The following CDKN2A variants were observed in gnomAD, a reference collection of about 807,000 sequenced individuals.
CDKN2A encodes cyclin-dependent kinase inhibitor 2A.
In CDKN2A, 3 loss-of-function variants were observed where a neutral mutation model predicts 11.1. The observed-to-expected ratio is 0.27, with a 90% CI of 0.12 to 0.70. The LOEUF is 0.70. Among genes scored for constraint, CDKN2A ranks in the 30% least tolerant of loss-of-function variants. CDKN2A has a pLI of 0.77. For missense variants in CDKN2A, 265 were observed against 233.6 expected (o/e 1.13, Z -0.88); for synonymous variants, 122 against 108.1 (o/e 1.13, Z -0.80).
At position 21,969,625 on chromosome 9, in the gene CDKN2A, C is replaced by T. The variant is rs80235406; in HGVS notation, c.457+1277G>A. ...GTTCAGTTTATTCATTTGCTTGTGG[C>T]CCAATTCAGTAGTTTTACTCCCTCT... On this transcript the variant is annotated intron_variant, in intron 2 of 2. Transcript: ENST00000304494. 1.6e-3 allele frequency: 627 copies of T among 389,938 alleles called. 8 individuals are homozygous for T. In the East Asian group the frequency reaches 0.02, roughly 12 times the overall value. The allele number at this position is 389,938 out of a possible 1,614,324, so 24.2% of individuals were successfully genotyped here. A position where few individuals can be genotyped will look rare whatever the true frequency, so the allele number is the denominator to read the frequency against.
Position 21,970,915 on chromosome 9 carries a change from C to T in CDKN2A, c.444G>A (p.Ala148=), listed in dbSNP as rs768280139. 3.1e-6 allele frequency: 5 copies of T among 1,612,202 alleles called. No individual in the cohort carries two copies. The highest frequency in any genetic ancestry group is 2.2e-5 in the South Asian group (2 of 91,064). ...ATCAGTCCTCACCTGAGGGACCTTC[C>T]GCGGCATCTATGCGGGCATGGTTAC... The part of the protein sequence containing the change: ...RGSNHARIDA[A]EGPSDIPD Residue 148 remains alanine (A), a synonymous_variant, in exon 2 of 3, where the codon GCG becomes GCA. Coordinates refer to ENST00000304494, the MANE Select transcript of CDKN2A (RefSeq NM_000077.5).
intron 2 of CDKN2A, chr9:21,969,941 C>T: frequency 2.5e-6 from 1 of 396,718 alleles, no homozygotes; most frequent in Non-Finnish European, 4.4e-6. Flanking sequence ...TCCTCCCCAG[C>T]TCCCCTATGG....
intron 2 of CDKN2A, chr9:21,992,269 A>G (rs564057293): frequency 9.2e-5 from 86 of 931,624 alleles, no homozygotes; most frequent in Non-Finnish European, 1.1e-4. Flanking sequence ...TCCCAAATCA[A>G]TATAGCCATG....
rs2131092435 is a variant in CDKN2A, at chr9:21,970,960, A to G, written c.399T>C (p.Ala133=). 1.2e-6 allele frequency: 2 copies of G among 1,611,792 alleles called. No homozygotes were observed. Among genetic ancestry groups the G allele is most frequent in the Non-Finnish European group, 1.7e-6 (2 of 1,180,012 alleles). The part of the protein sequence containing the change: ...HRDVARYLRA[A]AGGTRGSNHA... ...GGTTACTGCCTCTGGTGCCCCCCGC[A>G]GCCGCGCGCAGGTACCGTGCGACAT... The change falls in exon 2 of 3, where the codon GCT becomes GCC. Residue 133 remains alanine, a synonymous_variant. Coordinates refer to ENST00000304494, the MANE Select transcript of CDKN2A (RefSeq NM_000077.5).
At chr9:21,974,923 T>A, upstream of CDKN2A, 2 of 1,430,186 alleles carry the variant, frequency 1.4e-6, no homozygotes, top group Non-Finnish European at 1.8e-6. This position sits in a 1 kb window ranked among gnomAD's most constrained non-coding sequence, Gnocchi z 5.2. Flanking sequence ...CAGCCCCTCC[T>A]CTTTCTTCCT....
chr9:21,984,619 T>A (rs1379740223), intron 2 of CDKN2A, among the ~76,000 whole-genome samples: 5 of 152,030 alleles, frequency 3.3e-5, no homozygotes, highest in Admixed American at 3.3e-4. Flanking sequence ...TCTGAGATAA[T>A]GTTGAAAGTC....
upstream of CDKN2A, among the ~76,000 whole-genome samples, chr9:21,979,595 G>T (rs1298769176): frequency 2.6e-5 from 4 of 152,192 alleles, no homozygotes; most frequent in Non-Finnish European, 5.9e-5. Flanking sequence ...AGGGAGAAAA[G>T]GTCAGAACGG....
Position 21,968,257 on chromosome 9 carries a change from A to C in CDKN2A, c.458-15T>G, listed in dbSNP as rs772321849. The stretch of plus-strand genomic sequence containing the variant: ...ATCGGGGATGTCTGCAGAGGGCAGA[A>C]AGAAAACAGGCGTTAGAAACCTGAG... On this transcript the variant is annotated splice_polypyrimidine_tract_variant and intron_variant, in intron 2 of 2. Transcript: ENST00000304494. The surrounding 1 kb of genome is among the most constrained non-coding windows in gnomAD (Gnocchi z 4.7). 1 of 1,613,984 alleles carries C rather than the reference A, an allele frequency of 6.2e-7. No homozygotes were observed.
chr9:21,994,738 T>A, intron 1 of CDKN2A: 2 of 153,142 alleles, frequency 1.3e-5, no homozygotes, highest in Non-Finnish European at 2.4e-5. Flanking sequence ...CGCCCCGCGG[T>A]GACGGCCCAG....
rs1322001848 is a variant in CDKN2A at position 21,968,766 on chromosome 9, TC to T, written c.458-525del. The stretch of plus-strand genomic sequence containing the variant: ...CTACAAACCCACAAATGGTTTCCGA[TC>T]ATTTCTGAAACAAAATGGATGCTCA... On this transcript the variant is annotated intron_variant, in intron 2 of 2. Coordinates refer to ENST00000304494, the MANE Select transcript of CDKN2A (RefSeq NM_000077.5). The surrounding 1 kb of genome is among the most constrained non-coding windows in gnomAD (Gnocchi z 4.7). 6 of 1,535,994 alleles carry T rather than the reference TC, an allele frequency of 3.9e-6. No homozygotes were observed. The African/African-American group carries it at 8.2e-5, about 21-fold the overall frequency.
chr9:21,984,764 C>G (rs1169472241), intron 2 of CDKN2A, among the ~76,000 whole-genome samples: 7 of 151,952 alleles, frequency 4.6e-5, no homozygotes, highest in Non-Finnish European at 1.0e-4. Flanking sequence ...CTTTTCTCAT[C>G]AAATGGAGAA....
upstream of CDKN2A, chr9:21,974,883 C>T (rs1319347237): frequency 6.8e-7 from 1 of 1,467,670 alleles, no homozygotes; most frequent in Non-Finnish European, 8.9e-7. The surrounding 1 kb of genome is among the most constrained non-coding windows in gnomAD (Gnocchi z 5.2). Flanking sequence ...GCCGAGCGCA[C>T]GCGGTCCGCC....
At chr9:21,990,376 TAAAC>T (rs1350030722) in intron 2 of CDKN2A, among the ~76,000 whole-genome samples, 2 of 152,264 alleles carry the variant, frequency 1.3e-5, no homozygotes, top group Admixed American at 6.5e-5. Flanking sequence ...GTATGACACT[TAAAC>T]AACTCAGTTT....
chr9:21,976,822 C>CTAA (rs1343360335), upstream of CDKN2A, among the ~76,000 whole-genome samples: 2 of 152,210 alleles, frequency 1.3e-5, no homozygotes, highest in African/African-American at 4.8e-5. Flanking sequence ...AAAAGTTAAA[C>CTAA]AGCACTAAAG....
At chr9:21,982,022 A>G (rs1229027628) in intron 2 of CDKN2A, among the ~76,000 whole-genome samples, 1 of 152,166 alleles carries the variant, frequency 6.6e-6, no homozygotes, top group Non-Finnish European at 1.5e-5. Flanking sequence ...TCTCTATTTA[A>G]TTAAATTCAA....
At chr9:21,975,059 C>T (rs1819982665), upstream of CDKN2A, 4 of 1,339,356 alleles carry the variant, frequency 3.0e-6, no homozygotes, top group Admixed American at 3.8e-5. Flanking sequence ...ACTCCGAGCA[C>T]TTAGCGAATG....
rs1819503123 is a variant in CDKN2A at position 21,968,218 on chromosome 9, C to T, written c.*11G>A. ...AGTTTCCCGAGGTTTCTCAGAGCCT[C>T]TCTGGTTCTTTCAATCGGGGATGTC... On this transcript the variant is annotated 3_prime_UTR_variant, in exon 3 of 3. Coordinates refer to ENST00000304494, the MANE Select transcript of CDKN2A (RefSeq NM_000077.5). The surrounding 1 kb of genome is among the most constrained non-coding windows in gnomAD (Gnocchi z 4.7). 2 of 1,613,642 alleles carry T rather than the reference C, an allele frequency of 1.2e-6. No homozygotes were observed. Among genetic ancestry groups the T allele is most frequent in the Admixed American group, 3.3e-5 (2 of 59,984 alleles).
At chr9:21,970,330 A>T (rs569686030) in intron 2 of CDKN2A, 1 of 248,496 alleles carries the variant, frequency 4.0e-6, no homozygotes, top group East Asian at 5.9e-5. Context: ...CTTGGTCCTG[A>T]TGTCCCCAGA....
rs1302893505 is a variant in CDKN2A at position 21,968,424 on chromosome 9, T to G, written c.458-182A>C. 2 of 981,648 alleles carry G rather than the reference T, an allele frequency of 2.0e-6. No homozygotes were observed. The highest frequency in any genetic ancestry group is 2.4e-6 in the Non-Finnish European group (2 of 826,438). The allele number at this position is 981,648 out of a possible 1,614,324, so 60.8% of individuals were successfully genotyped here. A position where few individuals can be genotyped will look rare whatever the true frequency, so the allele number is the denominator to read the frequency against. ...TCCCACACCTCCCTGGTCCAGCAGC[T>G]AGTCCACTGCCCGCCTGGCTGCTCC... On this transcript the variant is annotated intron_variant, in intron 2 of 2. Transcript: ENST00000304494. The surrounding 1 kb of genome is among the most constrained non-coding windows in gnomAD (Gnocchi z 4.7).
Sources: gnomAD v4.1 joint callset for allele counts (sites outside exome capture counted in the v4.1 genomes callset) on GRCh38, gnomAD v4.1.1 for gene constraint, Gnocchi (gnomAD v3.1) non-coding constraint, MANE v1.5 for transcripts, NCBI Gene and HGNC (gene_info 2026-07-23, HGNC 2026-07-21) for gene names.